The following SIM2 variants were observed in gnomAD, a reference collection of about 807,000 sequenced individuals.
SIM2 encodes SIM bHLH transcription factor 2, also known as single-minded homolog 2.
SIM2 carries 28 observed loss-of-function variants against 64.8 expected under a neutral mutation model. The observed-to-expected ratio is 0.43, with a 90% CI of 0.32 to 0.59. The LOEUF (loss-of-function observed/expected upper bound fraction) is 0.59, where lower values mean the gene tolerates loss of function less well. Among genes scored for constraint, SIM2 ranks in the 20% least tolerant of loss-of-function variants. The pLI is 0.07. For synonymous variants in SIM2, 408 were observed against 391.1 expected, an observed-to-expected ratio of 1.04 and a Z score of -0.51; for missense variants, 847 against 871.4, an observed-to-expected ratio of 0.97 and a Z score of 0.35.
At chr21:36,710,851 G>A (rs544319077) in intron 2 of SIM2, among the ~76,000 whole-genome samples, 79 of 152,348 alleles carry the variant, frequency 5.2e-4, no homozygotes, top group Non-Finnish European at 1.1e-3. Flanking sequence ...TGCCCAGGCG[G>A]CCTCTGCTCG....
chr21:36,744,039 A>T (rs777275624), intron 9 of SIM2, among the ~76,000 whole-genome samples: 28 of 152,328 alleles, frequency 1.8e-4, no homozygotes, highest in Non-Finnish European at 3.1e-4. Flanking sequence ...ACCTGAGGTC[A>T]GGAGTTTGAG....
chr21:36,747,884 T>G lies in SIM2; in HGVS notation c.1796T>G (p.Leu599Arg). Residue 599 changes from leucine (L) to arginine (R), a missense_variant, in exon 11 of 11, where the codon CTG becomes CGG. Around this residue, in one of 3 missense-constraint regions of SIM2, gnomAD observed 447 missense variants for 414.6 expected, o/e 1.08. Coordinates refer to ENST00000290399, the MANE Select transcript of SIM2 (RefSeq NM_005069.6). This position sits in a 1 kb window ranked among gnomAD's most constrained non-coding sequence, Gnocchi z 4.5. ...PGAPAQLPFVLLNYHRVLARR... is the reference protein window; with the variant it reads ...PGAPAQLPFVRLNYHRVLARR... ...GCGCCGGCGCAGCTGCCCTTCGTGC[T>G]GCTCAACTACCACCGCGTGCTGGCC... is the stretch of plus-strand genomic sequence containing the variant. 9.4e-7 allele frequency: 1 copy of G among 1,069,136 alleles called. No homozygotes were observed. The highest frequency in any genetic ancestry group is 1.1e-6 in the Non-Finnish European group (1 of 876,582). 66.2% of individuals were successfully genotyped at this position (1,069,136 alleles called of 1,614,324 possible).
Position 36,747,564 on chromosome 21 carries a change from G to A in SIM2, c.1577-101G>A, listed in dbSNP as rs1288320678. 1.2e-6 allele frequency: 1 copy of A among 809,852 alleles called. No homozygotes were observed. The highest frequency in any genetic ancestry group is 5.1e-5 in the Admixed American group (1 of 19,434). 50.2% of individuals were successfully genotyped at this position (809,852 alleles called of 1,614,324 possible). On this transcript the variant is annotated intron_variant, in intron 10 of 10. Transcript: ENST00000290399. This position sits in a 1 kb window ranked among gnomAD's most constrained non-coding sequence, Gnocchi z 4.5. ...GCGACAGCGACCCCGCGGGTGCAGC[G>A]CGTGGGCGGCCGAGGGGTGGTGGCT...
In SIM2 at chr21:36,745,227, A is replaced by T. The variant is rs2089215773; in HGVS notation, c.1576+91A>T. The T allele has an allele frequency of 6.7e-7, 1 of 1,498,788 alleles. No individual in the cohort carries two copies. Among genetic ancestry groups the T allele is most frequent in the Admixed American group, 2.3e-5 (1 of 43,826 alleles). The allele number at this position is 1,498,788 out of a possible 1,614,324, so 92.8% of individuals were successfully genotyped here. A position where few individuals can be genotyped will look rare whatever the true frequency, so the allele number is the denominator to read the frequency against. On this transcript the variant is annotated intron_variant, in intron 10 of 10. Transcript: ENST00000290399. The surrounding 1 kb of genome is among the most constrained non-coding windows in gnomAD (Gnocchi z 4.8). ...GGCGGTGGGTGGCAGATGGAGACAG[A>T]ACCCTCACGCTTTGGGCAAACTTGC...
At chr21:36,735,649 C>G (rs768953667) in intron 7 of SIM2, among the ~76,000 whole-genome samples, 1 of 152,132 alleles carries the variant, frequency 6.6e-6, no homozygotes, top group Non-Finnish European at 1.5e-5. Flanking sequence ...CAGGTCTGGA[C>G]GATGCTTTTG....
chr21:36,741,694 C>T lies in SIM2; in HGVS notation c.851-23C>T, dbSNP rs756525080. On this transcript the variant is annotated intron_variant, in intron 7 of 10. Transcript: ENST00000290399. ...GTGGGGCCTGCGAAGCGTCTGAGGA[C>T]TCCTGTCACCTTGTGCTTGCAGTGT... The T allele has an allele frequency of 1.2e-5, 20 of 1,610,680 alleles. 1 individual carries two copies. In the South Asian group the frequency reaches 2.1e-4, roughly 17 times the overall value.
At chr21:36,736,122 G>A (rs1371738744) in intron 7 of SIM2, among the ~76,000 whole-genome samples, 1 of 152,200 alleles carries the variant, frequency 6.6e-6, no homozygotes, top group Non-Finnish European at 1.5e-5. Context: ...CCACAACCGA[G>A]TGTAGCTGGA....
intron 10 of SIM2, among the ~76,000 whole-genome samples, chr21:36,746,639 AC>A: frequency 6.6e-6 from 1 of 152,112 alleles, no homozygotes; most frequent in East Asian, 1.9e-4. Flanking sequence ...CAGGGCCAGG[AC>A]CCCTGCCTTT....
chr21:36,722,015 T>G (rs1300554500), intron 4 of SIM2, among the ~76,000 whole-genome samples: 1 of 152,176 alleles, frequency 6.6e-6, no homozygotes, highest in Non-Finnish European at 1.5e-5. Context: ...TCTCCCCAGC[T>G]GCTCCATTTT....
chr21:36,746,743 A>G (rs1229090218), intron 10 of SIM2, among the ~76,000 whole-genome samples: 1 of 152,154 alleles, frequency 6.6e-6, no homozygotes, highest in Non-Finnish European at 1.5e-5. Context: ...CAAGGAAGGG[A>G]TCTCCAGAAC....
intron 8 of SIM2, 137 bp from the exon 9 acceptor site, chr21:36,743,250 C>T: frequency 2.6e-6 from 2 of 779,032 alleles, no homozygotes; most frequent in Admixed American, 5.0e-5. Context: ...GGCCTTGTCT[C>T]AAATCCCATC....
At position 36,726,418 on chromosome 21, in the gene SIM2, G is replaced by A. The variant is rs2088892357; in HGVS notation, c.743+100G>A. On this transcript the variant is annotated intron_variant, in intron 6 of 10. Coordinates refer to ENST00000290399, the MANE Select transcript of SIM2 (RefSeq NM_005069.6). This position sits in a 1 kb window ranked among gnomAD's most constrained non-coding sequence, Gnocchi z 4.5. ...GCCATCTTGGCCAAATCATAACAAG[G>A]AATAAGTCATAATAGGAATGTGGAT... 1 of 1,037,938 alleles carries A rather than the reference G, an allele frequency of 9.6e-7. No individual in the cohort carries two copies. The highest frequency in any genetic ancestry group is 1.6e-5 in the African/African-American group (1 of 63,370). 64.3% of individuals were successfully genotyped at this position (1,037,938 alleles called of 1,614,324 possible).
At position 36,699,280 on chromosome 21, in the gene SIM2, C is replaced by A. The variant is rs1488853214; in HGVS notation, c.-467C>A. On this transcript the variant is annotated 5_prime_UTR_variant, in exon 1 of 11. Transcript: ENST00000290399. This position sits in a 1 kb window ranked among gnomAD's most constrained non-coding sequence, Gnocchi z 5.6. ...CAGCCGCCTGCGACTCGCTCCCCTCCGCTGGGCTCCCGCTCCATGGCTCCG... is the reference window on the plus strand; with the variant it reads ...CAGCCGCCTGCGACTCGCTCCCCTCAGCTGGGCTCCCGCTCCATGGCTCCG... 1.3e-5 allele frequency: 2 copies of A among 151,894 alleles called. No homozygotes were observed. Among genetic ancestry groups the A allele is most frequent in the South Asian group, 2.1e-4 (1 of 4,828 alleles). 9.4% of individuals were successfully genotyped at this position (151,894 alleles called of 1,614,324 possible). A position where few individuals can be genotyped will look rare whatever the true frequency, so the allele number is the denominator to read the frequency against.
chr21:36,702,310 AG>A (rs773050450), intron 1 of SIM2, among the ~76,000 whole-genome samples: 4 of 152,218 alleles, frequency 2.6e-5, no homozygotes, highest in Admixed American at 6.5e-5. Context: ...GCACTCTGGA[AG>A]GGAGCTGTTT....
At position 36,745,885 on chromosome 21, in the gene SIM2, T is replaced by G; in HGVS notation, c.1576+749T>G. On this transcript the variant is annotated intron_variant, in intron 10 of 10. Coordinates refer to ENST00000290399, the MANE Select transcript of SIM2 (RefSeq NM_005069.6). The surrounding 1 kb of genome is among the most constrained non-coding windows in gnomAD (Gnocchi z 4.8). ...CGCTGGACCAACCCCAGGCAGAAGGTGGAAGGTGGGAACAGAGGTTTAGCT... is the reference window on the plus strand; with the variant it reads ...CGCTGGACCAACCCCAGGCAGAAGGGGGAAGGTGGGAACAGAGGTTTAGCT... 7.7e-7 allele frequency: 1 copy of G among 1,299,436 alleles called. No homozygotes were observed. Among genetic ancestry groups the G allele is most frequent in the Non-Finnish European group, 1.0e-6 (1 of 985,912 alleles). 80.5% of individuals were successfully genotyped at this position (1,299,436 alleles called of 1,614,324 possible). A position where few individuals can be genotyped will look rare whatever the true frequency, so the allele number is the denominator to read the frequency against.
Position 36,726,100 on chromosome 21 carries a change from C to G in SIM2, c.544-19C>G, listed in dbSNP as rs1044328081. The G allele has an allele frequency of 1.1e-5, 18 of 1,608,482 alleles. No individual in the cohort carries two copies. The highest frequency in any genetic ancestry group is 1.3e-5 in the Non-Finnish European group (15 of 1,176,918). ...CAACCCCAGTGGCCAGTGGCTGACC[C>G]TGCCCTCTCCACTCCCAGGTCATCC... On this transcript the variant is annotated intron_variant, in intron 5 of 10. Coordinates refer to ENST00000290399, the MANE Select transcript of SIM2 (RefSeq NM_005069.6). This position sits in a 1 kb window ranked among gnomAD's most constrained non-coding sequence, Gnocchi z 4.5.
rs117597215 is a variant in SIM2 at position 36,712,457 on chromosome 21, C to A, written c.259-76C>A. 4,876 of 985,244 alleles carry A rather than the reference C, an allele frequency of 4.9e-3. 30 individuals are homozygous for A. Among genetic ancestry groups the A allele is most frequent in the Non-Finnish European group, 7.0e-3 (4,371 of 622,922 alleles). The allele number at this position is 985,244 out of a possible 1,614,324, so 61.0% of individuals were successfully genotyped here. ...TCATATTTGATGCATCCCTCCATCC[C>A]AGTGACTGTACCATTGTTAGATTTA... On this transcript the variant is annotated intron_variant, in intron 2 of 10. Coordinates refer to ENST00000290399, the MANE Select transcript of SIM2 (RefSeq NM_005069.6).
At position 36,747,143 on chromosome 21, in the gene SIM2, TC is replaced by T. The variant is rs2089239224; in HGVS notation, c.1577-521del. ...TTTCATTATGACACGGCGAAACCGATCGGGGTGGTTACCACCCCTCTCCACT... is the reference window on the plus strand; with the variant it reads ...TTTCATTATGACACGGCGAAACCGATGGGGTGGTTACCACCCCTCTCCACT... On this transcript the variant is annotated intron_variant, in intron 10 of 10. Transcript: ENST00000290399. The surrounding 1 kb of genome is among the most constrained non-coding windows in gnomAD (Gnocchi z 4.5). Among the ~76,000 whole-genome samples the T allele has an allele frequency of 1.3e-5, 2 of 152,088 alleles. No homozygotes were observed. Among genetic ancestry groups the T allele is most frequent in the Admixed American group, 1.3e-4 (2 of 15,296 alleles).
chr21:36,734,470 T>C (rs1046329995), intron 7 of SIM2, among the ~76,000 whole-genome samples: 1 of 152,204 alleles, frequency 6.6e-6, no homozygotes, highest in Non-Finnish European at 1.5e-5. Context: ...GCTACTGTCC[T>C]GTGACTCTGA....
Sources: gnomAD v4.1 joint callset for allele counts (sites outside exome capture counted in the v4.1 genomes callset) on GRCh38, gnomAD v4.1.1 for gene constraint, gnomAD v4.1.1 regional missense constraint, Gnocchi (gnomAD v3.1) non-coding constraint, MANE v1.5 for transcripts, NCBI Gene and HGNC (gene_info 2026-07-23, HGNC 2026-07-21) for gene names.